Variants in EVC observed in about 807,000 individuals in gnomAD.
The protein encoded by EVC is EvC ciliary complex subunit 1.
EVC carries 116 observed loss-of-function variants against 118.9 expected under a neutral mutation model. That is an observed-to-expected ratio of 0.98 (90% CI 0.84 to 1.14). The LOEUF (loss-of-function observed/expected upper bound fraction) is 1.14, where lower values mean the gene tolerates loss of function less well. Among genes scored for constraint, EVC ranks in the 50% most tolerant of loss-of-function variants. EVC has a pLI of 0.00. For synonymous variants in EVC, 619 were observed against 534.7 expected (o/e 1.16, Z -2.18); for missense variants, 1,401 against 1,246.4 (o/e 1.12, Z -1.87).
downstream of EVC, among the ~76,000 whole-genome samples, chr4:5,815,751 G>A (rs946743365): frequency 9.9e-5 from 15 of 152,204 alleles, no homozygotes; most frequent in African/African-American, 3.6e-4. Context: ...AGAGTGTGCA[G>A]TTCGGTGCTT....
intron 16 of EVC, among the ~76,000 whole-genome samples, chr4:5,802,781 C>T (rs13124789): frequency 0.13 from 20,409 of 152,148 alleles, 1,729 homozygotes; most frequent in South Asian, 0.27. Context: ...CGATGGGGAG[C>T]GGCTGTAAAT....
At chr4:5,758,986 C>T (rs546882560) in intron 11 of EVC, among the ~76,000 whole-genome samples, 5 of 151,650 alleles carry the variant, frequency 3.3e-5, no homozygotes, top group Non-Finnish European at 7.4e-5. Flanking sequence ...CTTGACTTAC[C>T]GGGGAAACTC....
Position 5,752,944 on chromosome 4 carries a change from G to C in EVC, c.1207G>C (p.Gly403Arg), listed in dbSNP as rs183114391. The change falls in exon 9 of 21, where the codon GGC becomes CGC. Residue 403 changes from glycine (G) to arginine (R), a missense_variant. Gly to Arg is a moderately radical substitution (Grantham distance 125). Transcript: ENST00000264956. ...TRCRLAAISH[G>R]LELLAGEGKL... ...GTGCCGGCTGGCTGCCATCTCCCACGGCCTGGAGCTGCTGGCTGGTGAGGG... is the reference window on the plus strand; with the variant it reads ...GTGCCGGCTGGCTGCCATCTCCCACCGCCTGGAGCTGCTGGCTGGTGAGGG... 6.2e-6 allele frequency: 10 copies of C among 1,614,084 alleles called. No individual in the cohort carries two copies. Among genetic ancestry groups the C allele is most frequent in the African/African-American group, 2.7e-5 (2 of 75,050 alleles).
At chr4:5,783,862 T>C (rs527389229) in intron 12 of EVC, 98 bp downstream of exon 12, 8 of 1,125,432 alleles carry the variant, frequency 7.1e-6, no homozygotes, top group African/African-American at 4.6e-5. Context: ...CTAGTGCCTA[T>C]TGTAGGTGCT....
chr4:5,740,026 T>G (rs1318663242), intron 5 of EVC, among the ~76,000 whole-genome samples: 1 of 152,080 alleles, frequency 6.6e-6, no homozygotes, highest in African/African-American at 2.4e-5. Flanking sequence ...GGAGGAATGA[T>G]AAGCTTTTCA....
At chr4:5,781,562 C>T (rs1032324379) in intron 11 of EVC, among the ~76,000 whole-genome samples, 14 of 152,184 alleles carry the variant, frequency 9.2e-5, no homozygotes, top group South Asian at 2.1e-4. Flanking sequence ...CTGGGCTGGG[C>T]GCGGTGGCCC....
rs769350604 is a variant in EVC, at chr4:5,737,691, ATAGTTTAAGCCCAC to A, written c.703-4022_703-4009del. ...GGATCACAACACAGCTGTTTATAGC[ATAGTTTAAGCCCAC>A]TATTGACACCTACTGCCCAGAAAAT... On this transcript the variant is annotated intron_variant, in intron 5 of 20. Coordinates refer to ENST00000264956, the MANE Select transcript of EVC (RefSeq NM_153717.3). The surrounding 1 kb of genome is among the most constrained non-coding windows in gnomAD (Gnocchi z 5.0). 1.9e-4 allele frequency among the ~76,000 whole-genome samples: 29 copies of A among 152,312 alleles called. No homozygotes were observed. The highest frequency in any genetic ancestry group is 3.7e-4 in the Non-Finnish European group (25 of 68,024).
At chr4:5,781,033 G>A (rs1020415763) in intron 11 of EVC, among the ~76,000 whole-genome samples, 1 of 152,174 alleles carries the variant, frequency 6.6e-6, no homozygotes, top group Non-Finnish European at 1.5e-5. Context: ...GTTGGGATCA[G>A]TCATACGGGC....
rs188245524 is a variant in EVC, at chr4:5,783,546, C to T, written c.1564-6C>T. ...CTGTAACCCCATCTGTGGTTCTCCG[C>T]TCCAGGAGCTGTACTTCAGCACCGT... On this transcript the variant is annotated splice_region_variant and splice_polypyrimidine_tract_variant and intron_variant, in intron 11 of 20. Transcript: ENST00000264956. 2.4e-4 allele frequency: 392 copies of T among 1,614,090 alleles called. 2 individuals are homozygous for T. In the East Asian group the frequency reaches 5.3e-3, roughly 22 times the overall value.
chr4:5,774,422 G>A (rs1352311839), intron 11 of EVC, among the ~76,000 whole-genome samples: 2 of 151,944 alleles, frequency 1.3e-5, no homozygotes, highest in African/African-American at 4.8e-5. Flanking sequence ...CTTGCTGTGT[G>A]CTGTGAGCCA....
chr4:5,767,981 T>G (rs1040454028), intron 11 of EVC, among the ~76,000 whole-genome samples: 1 of 152,208 alleles, frequency 6.6e-6, no homozygotes, highest in Non-Finnish European at 1.5e-5. Flanking sequence ...ACCAGGCATC[T>G]TGGGAGAGTT....
intron 11 of EVC, among the ~76,000 whole-genome samples, chr4:5,778,525 G>T (rs566703014): frequency 5.3e-5 from 8 of 151,986 alleles, no homozygotes; most frequent in Non-Finnish European, 7.4e-5. Flanking sequence ...TTTAATGATT[G>T]CCATTCTAAC....
chr4:5,807,704 C>T (rs78301007), intron 17 of EVC, among the ~76,000 whole-genome samples: 1,802 of 152,242 alleles, frequency 0.012, 40 homozygotes, highest in African/African-American at 0.041. Flanking sequence ...TCCCAAGAAG[C>T]TTCTCATTTT....
chr4:5,741,808 A>G lies in EVC; in HGVS notation c.795A>G (p.Gln265=). 1.4e-6 allele frequency: 2 copies of G among 1,439,730 alleles called. No individual in the cohort carries two copies. Among genetic ancestry groups the G allele is most frequent in the South Asian group, 1.1e-5 (1 of 87,002 alleles). 89.2% of individuals were successfully genotyped at this position (1,439,730 alleles called of 1,614,324 possible). ...DELYQKILSK[Q]EKDLEELEKG... ...TATACCAGAAGATCCTTTCAAAACA[A>G]GAAAAAGTAAGTCTTCAACCTATGT... Residue 265 remains glutamine (Q), a synonymous_variant, in exon 6 of 21, where the codon CAA becomes CAG. Coordinates refer to ENST00000264956, the MANE Select transcript of EVC (RefSeq NM_153717.3).
rs1577380659 is a variant in EVC, at chr4:5,737,273, G to GCTTTAAA, written c.702+3838_702+3839insCTTTAAA. On this transcript the variant is annotated intron_variant, in intron 5 of 20. Coordinates refer to ENST00000264956, the MANE Select transcript of EVC (RefSeq NM_153717.3). The surrounding 1 kb of genome is among the most constrained non-coding windows in gnomAD (Gnocchi z 5.0). ...AAAATTTGAAGCTAGCAGAGCATGA[G>GCTTTAAA]GTTTAAAGAAAGAAGCTGTCTCCAG... is the stretch of plus-strand genomic sequence containing the variant. Among the ~76,000 whole-genome samples, 1 of 152,172 alleles carries GCTTTAAA rather than the reference G, an allele frequency of 6.6e-6. No homozygotes were observed. The highest frequency in any genetic ancestry group is 1.9e-4 in the East Asian group (1 of 5,198).
At chr4:5,775,366 C>T (rs893465712) in intron 11 of EVC, among the ~76,000 whole-genome samples, 3 of 152,148 alleles carry the variant, frequency 2.0e-5, no homozygotes, top group Admixed American at 6.5e-5. Context: ...CCCCAGAACA[C>T]CCCCAATGCC....
chr4:5,714,055 C>T (rs1723527903), intron 1 of EVC, among the ~76,000 whole-genome samples: 5 of 152,324 alleles, frequency 3.3e-5, no homozygotes, highest in Admixed American at 6.5e-5. Context: ...CGCTGTTCCC[C>T]GTACACCTCT....
At chr4:5,734,146 G>A (rs1174279108) in intron 5 of EVC, among the ~76,000 whole-genome samples, 4 of 152,074 alleles carry the variant, frequency 2.6e-5, no homozygotes, top group Admixed American at 1.3e-4. Context: ...GCAGAACCCC[G>A]GTGGGTTTAT....
downstream of EVC, among the ~76,000 whole-genome samples, chr4:5,818,013 C>T (rs1478673782): frequency 6.6e-6 from 1 of 152,168 alleles, no homozygotes; most frequent in Non-Finnish European, 1.5e-5. Flanking sequence ...TGTGTCCCCA[C>T]CCAAATCTCA....
Sources: allele counts gnomAD v4.1 joint callset (sites outside exome capture counted in the v4.1 genomes callset), GRCh38; gene constraint gnomAD v4.1.1; non-coding constraint Gnocchi (gnomAD v3.1); transcripts MANE v1.5; gene names NCBI Gene and HGNC (gene_info 2026-07-23, HGNC 2026-07-21).